The following USP34 variants were observed in gnomAD, a reference collection of about 807,000 sequenced individuals.
The protein encoded by USP34 is ubiquitin carboxyl-terminal hydrolase 34.
A neutral mutation model predicts 460.3 loss-of-function variants in USP34; 70 were observed. That is an observed-to-expected ratio of 0.15 (90% CI 0.13 to 0.19). The LOEUF (loss-of-function observed/expected upper bound fraction) is 0.19. USP34 is among the 10% of genes least tolerant of loss of function. The pLI is 1.00. For synonymous variants in USP34, 1,647 were observed against 1,405.3 expected (o/e 1.17, Z -3.85); for missense variants, 3,985 against 4,236.2 (o/e 0.94, Z 1.65).
intron 8 of USP34, among the ~76,000 whole-genome samples, chr2:61,371,685 G>T (rs1310694475): frequency 1.3e-5 from 2 of 152,154 alleles, no homozygotes; most frequent in East Asian, 1.9e-4. Flanking sequence ...AAAGTCTACA[G>T]TAGTGTAGAG....
At chr2:61,397,381 C>T (rs972403472) in intron 3 of USP34, among the ~76,000 whole-genome samples, 5 of 148,826 alleles carry the variant, frequency 3.4e-5, no homozygotes, top group Admixed American at 6.8e-5. Context: ...AGGTGGAGGT[C>T]GCAGTGAGTC....
chr2:61,462,183 G>A (rs1231217289), intron 1 of USP34, among the ~76,000 whole-genome samples: 7 of 151,122 alleles, frequency 4.6e-5, no homozygotes, highest in African/African-American at 1.7e-4. Flanking sequence ...AGGTTGCAGT[G>A]AGCCAAGATC....
chr2:61,435,727 C>T (rs1202928567), intron 1 of USP34, among the ~76,000 whole-genome samples: 1 of 152,104 alleles, frequency 6.6e-6, no homozygotes, highest in Non-Finnish European at 1.5e-5. Context: ...TTAAATTCCC[C>T]CATTTAAAAG....
At chr2:61,264,418 G>A (rs1407126009) in intron 43 of USP34, among the ~76,000 whole-genome samples, 4 of 152,120 alleles carry the variant, frequency 2.6e-5, no homozygotes, top group African/African-American at 9.7e-5. Flanking sequence ...GAAGCATCTT[G>A]TAAGCCCAGG....
chr2:61,445,350 A>G (rs1695080381), intron 1 of USP34, among the ~76,000 whole-genome samples: 1 of 151,638 alleles, frequency 6.6e-6, no homozygotes, highest in Non-Finnish European at 1.5e-5. Context: ...CCTGGCTAAC[A>G]CAGTGAAACC....
At chr2:61,366,323 A>AT (rs1390192002) in intron 10 of USP34, among the ~76,000 whole-genome samples, 6 of 152,226 alleles carry the variant, frequency 3.9e-5, no homozygotes, top group African/African-American at 1.2e-4. Context: ...TCTTCCCAAC[A>AT]TAACTGAGAA....
intron 18 of USP34, among the ~76,000 whole-genome samples, chr2:61,338,042 C>G (rs1292528820): frequency 1.3e-5 from 2 of 152,184 alleles, no homozygotes; most frequent in Non-Finnish European, 2.9e-5. Flanking sequence ...TATATACCGG[C>G]CAGGCACAGT....
At position 61,444,797 on chromosome 2, in the gene USP34, T is replaced by C. The variant is rs28687754; in HGVS notation, c.44-23964A>G. 6.4e-3 allele frequency among the ~76,000 whole-genome samples: 976 copies of C among 152,082 alleles called. 7 individuals are homozygous for C. The highest frequency in any genetic ancestry group is 0.022 in the African/African-American group (927 of 41,484). ...AGCCTCTGCATATATACCTGGCAGG[T>C]GTCCACCGCACGTGGAGACCTCCTT... On this transcript the variant is annotated intron_variant, in intron 1 of 79. Transcript: ENST00000398571.
intron 58 of USP34, among the ~76,000 whole-genome samples, chr2:61,231,300 G>A (rs1196604669): frequency 6.6e-6 from 1 of 151,904 alleles, no homozygotes; most frequent in Non-Finnish European, 1.5e-5. Context: ...TTTGGTGGGG[G>A]GTGGGGGTGG....
chr2:61,391,376 C>T (rs1295994300), intron 5 of USP34, among the ~76,000 whole-genome samples: 2 of 152,146 alleles, frequency 1.3e-5, no homozygotes, highest in East Asian at 3.9e-4. Context: ...AGAATGGGAT[C>T]ATTTCCTGAG....
Position 61,288,895 on chromosome 2 carries a change from T to C in USP34, c.4549-18A>G, listed in dbSNP as rs1011892180. The C allele has an allele frequency of 4.4e-6, 7 of 1,608,624 alleles. No homozygotes were observed. The highest frequency in any genetic ancestry group is 1.1e-5 in the South Asian group (1 of 91,050). Reference sequence around the variant, plus strand: ...AGCTGCCACTGTAAATGAGAAGAAATAGTCAATTCCCTATTTTCATTAATT... The same window carrying C: ...AGCTGCCACTGTAAATGAGAAGAAACAGTCAATTCCCTATTTTCATTAATT... On this transcript the variant is annotated intron_variant, in intron 33 of 79. Transcript: ENST00000398571.
chr2:61,321,133 GCA>G, intron 21 of USP34, among the ~76,000 whole-genome samples: 1 of 151,542 alleles, frequency 6.6e-6, no homozygotes. Context: ...CTATGATCAT[GCA>G]CTTCAGCCTG....
chr2:61,439,898 C>T (rs1021634878), intron 1 of USP34, among the ~76,000 whole-genome samples: 14 of 152,034 alleles, frequency 9.2e-5, no homozygotes, highest in Non-Finnish European at 1.5e-5. Context: ...CTGCACTGTG[C>T]CATTAGGACA....
At position 61,350,283 on chromosome 2, in the gene USP34, T is replaced by G. The variant is rs1691907080; in HGVS notation, c.1484A>C (p.Asn495Thr). 6.2e-7 allele frequency: 1 copy of G among 1,609,514 alleles called. No homozygotes were observed. The highest frequency in any genetic ancestry group is 1.3e-5 in the African/African-American group (1 of 74,790). ...ACCTTTCTTATTTCCAATGGGAATA[T>G]TAGTATTTAATAAAGATGCAAAAGA... ...QSSFASLLNT[N>T]IPIGNKKEEE... is the part of the protein sequence containing the mutation. The change falls in exon 12 of 80, where the codon AAT becomes ACT. Residue 495 changes from asparagine to threonine, a missense_variant. Transcript: ENST00000398571.
chr2:61,337,130 A>T (rs1242838587), intron 18 of USP34, among the ~76,000 whole-genome samples: 1 of 152,188 alleles, frequency 6.6e-6, no homozygotes, highest in Non-Finnish European at 1.5e-5. Flanking sequence ...TCAAGAAACG[A>T]ATCAGTATCA....
At chr2:61,298,378 A>C (rs1230073424) in intron 29 of USP34, among the ~76,000 whole-genome samples, 4 of 144,724 alleles carry the variant, frequency 2.8e-5, no homozygotes, top group Non-Finnish European at 3.0e-5. Flanking sequence ...AAAAAAAAAA[A>C]AAAAAAAAAA....
chr2:61,236,418 T>C (rs1211505528), intron 53 of USP34, 29 bp from the exon 54 acceptor site: 2 of 1,508,672 alleles, frequency 1.3e-6, no homozygotes, highest in Non-Finnish European at 9.0e-7. Flanking sequence ...ACATTAGTGA[T>C]AAAGCAGTTT....
intron 2 of USP34, among the ~76,000 whole-genome samples, chr2:61,407,878 G>T (rs1693924337): frequency 6.6e-6 from 1 of 152,134 alleles, no homozygotes; most frequent in Non-Finnish European, 1.5e-5. Flanking sequence ...ACTTTGGGAG[G>T]CCGAGGTGCA....
At chr2:61,330,172 G>A (rs1691217018) in intron 20 of USP34, among the ~76,000 whole-genome samples, 1 of 152,184 alleles carries the variant, frequency 6.6e-6, no homozygotes, top group Non-Finnish European at 1.5e-5. Context: ...TTCTTTGTGT[G>A]TGACGTTGGA....
Sources: allele counts gnomAD v4.1 joint callset (sites outside exome capture counted in the v4.1 genomes callset), GRCh38; gene constraint gnomAD v4.1.1; transcripts MANE v1.5; gene names NCBI Gene and HGNC (gene_info 2026-07-23, HGNC 2026-07-21).